The following OVOL1 variants were observed in gnomAD, a reference collection of about 807,000 sequenced individuals.
OVOL1 encodes the protein ovo like transcriptional repressor 1.
Under a neutral mutation model 21.5 loss-of-function variants are expected in OVOL1, and 10 were observed. The observed-to-expected ratio is 0.46, with a 90% CI of 0.29 to 0.79. The LOEUF is 0.79. OVOL1 is among the 30% of genes least tolerant of loss of function. OVOL1 has a pLI of 0.10. For missense variants in OVOL1, 279 were observed against 362.3 expected (o/e 0.77, Z 1.87); for synonymous variants, 129 against 150.3 (o/e 0.86, Z 1.03).
rs148404819 is a variant in OVOL1 at position 65,788,964 on chromosome 11, C to T, written c.100+1491C>T. 237 of 985,788 alleles carry T rather than the reference C, an allele frequency of 2.4e-4. 1 individual carries two copies. The African/African-American group carries it at 3.2e-3, about 13-fold the overall frequency. 61.1% of individuals were successfully genotyped at this position (985,788 alleles called of 1,614,324 possible). A position where few individuals can be genotyped will look rare whatever the true frequency, so the allele number is the denominator to read the frequency against. ...GCAGAGGGCCAGAGCCCCCTCCCCGCTCCGCCCTCCGCCCTCCACCCTCAC... is the reference window on the plus strand; with the variant it reads ...GCAGAGGGCCAGAGCCCCCTCCCCGTTCCGCCCTCCGCCCTCCACCCTCAC... On this transcript the variant is annotated intron_variant, in intron 1 of 3. Coordinates refer to ENST00000335987, the MANE Select transcript of OVOL1 (RefSeq NM_004561.4).
At chr11:65,792,065 C>G (rs1858031609) in intron 1 of OVOL1, among the ~76,000 whole-genome samples, 2 of 152,224 alleles carry the variant, frequency 1.3e-5, no homozygotes, top group Admixed American at 6.5e-5. Flanking sequence ...CTGCCCCTCG[C>G]TCAGGGTGGA....
At chr11:65,794,470 C>A in intron 2 of OVOL1, 68 bp from the exon 3 acceptor site, 2 of 1,481,372 alleles carry the variant, frequency 1.4e-6, no homozygotes, top group Non-Finnish European at 1.9e-6. Context: ...GCATCCACGT[C>A]TTCCCAATCT....
Position 65,787,189 on chromosome 11 carries a change from A to C in OVOL1, c.-185A>C. The C allele has an allele frequency of 6.3e-6, 3 of 475,670 alleles. No individual in the cohort carries two copies. Among genetic ancestry groups the C allele is most frequent in the Non-Finnish European group, 7.9e-6 (2 of 253,798 alleles). The allele number at this position is 475,670 out of a possible 1,614,324, so 29.5% of individuals were successfully genotyped here. On this transcript the variant is annotated 5_prime_UTR_variant, in exon 1 of 4. Transcript: ENST00000335987. ...CCTCGTTCTCAGGGAAGACGGCGAC[A>C]TTCCGCGGAGGTGGAACCGCCGCGC...
At chr11:65,788,519 C>A in intron 1 of OVOL1, 1 of 985,346 alleles carries the variant, frequency 1.0e-6, no homozygotes, top group Non-Finnish European at 1.2e-6. Context: ...GACCCTTGAT[C>A]TGCAGACTCC....
At chr11:65,790,914 T>G (rs1267982535) in intron 1 of OVOL1, 1 of 152,498 alleles carries the variant, frequency 6.6e-6, no homozygotes, top group Admixed American at 6.5e-5. Context: ...AAGCTGGCCA[T>G]GGGTGAAGTC....
At chr11:65,790,676 C>T (rs533015285) in intron 1 of OVOL1, 9 of 152,462 alleles carry the variant, frequency 5.9e-5, no homozygotes, top group Admixed American at 2.6e-4. Context: ...TGCCAGGGAG[C>T]GGGGCTGGGA....
Position 65,795,740 on chromosome 11 carries a change from A to G in OVOL1, c.*399A>G. The stretch of plus-strand genomic sequence containing the variant: ...CCTCTCAGCACAGGGCAGGGGCTGC[A>G]GGTCCCCAGTGGACATCAGAGTCAA... On this transcript the variant is annotated 3_prime_UTR_variant, in exon 4 of 4. Transcript: ENST00000335987. The surrounding 1 kb of genome is among the most constrained non-coding windows in gnomAD (Gnocchi z 5.7). The G allele has an allele frequency of 4.0e-6, 1 of 250,250 alleles. No individual in the cohort carries two copies. Among genetic ancestry groups the G allele is most frequent in the Non-Finnish European group, 7.8e-6 (1 of 127,506 alleles). 15.5% of individuals were successfully genotyped at this position (250,250 alleles called of 1,614,324 possible).
intron 1 of OVOL1, 45 bp from the exon 2 acceptor site, chr11:65,793,986 C>G (rs541395371): frequency 1.3e-6 from 2 of 1,519,696 alleles, no homozygotes; most frequent in South Asian, 2.2e-5. Flanking sequence ...CCCGCTGGAC[C>G]CTCTCTTCTC....
At chr11:65,788,604 T>C (rs1857950199) in intron 1 of OVOL1, 2 of 985,322 alleles carry the variant, frequency 2.0e-6, no homozygotes, top group Middle Eastern at 5.2e-4. Flanking sequence ...GGGCTCTTGC[T>C]CAGTTTCCCT....
intron 3 of OVOL1, 32 bp downstream of exon 3, chr11:65,794,759 G>C (rs530760139): frequency 1.3e-6 from 2 of 1,597,418 alleles, no homozygotes; most frequent in Non-Finnish European, 1.7e-6. Context: ...GGAGGAGCAC[G>C]CCGGATCCGC....
rs989995884 is a variant in OVOL1, at chr11:65,794,066, G to A, written c.136G>A (p.Glu46Lys). 23 of 1,613,956 alleles carry A rather than the reference G, an allele frequency of 1.4e-5. No individual in the cohort carries two copies. In the Admixed American group the frequency reaches 1.7e-4, roughly 12 times the overall value. The stretch of plus-strand genomic sequence containing the variant: ...CTTCTGCCCACCACAGCCCTACCGG[G>A]AGCCGGAACCCTCTGTGGCCGAACC... ...LGFCPPQPYR[E>K]PEPSVAEPPS... Residue 46 changes from glutamate (E) to lysine (K), a missense_variant, in exon 2 of 4, where the codon GAG (glutamate) becomes AAG (lysine). Transcript: ENST00000335987.
chr11:65,794,363 A>C (rs1858085312), intron 2 of OVOL1, 115 bp downstream of exon 2: 3 of 1,168,276 alleles, frequency 2.6e-6, no homozygotes, highest in African/African-American at 1.5e-5. Flanking sequence ...GACCTGGGCC[A>C]AGGTTTCTGC....
At position 65,794,202 on chromosome 11, in the gene OVOL1, C is replaced by A; in HGVS notation, c.272C>A (p.Thr91Lys). 3 of 1,613,494 alleles carry A rather than the reference C, an allele frequency of 1.9e-6. No homozygotes were observed. Among genetic ancestry groups the A allele is most frequent in the Non-Finnish European group, 1.7e-6 (2 of 1,180,028 alleles). ...QLPSEDMGHLTDPQSRDHGFL... is the reference protein window; with the variant it reads ...QLPSEDMGHLKDPQSRDHGFL... ...CCCTCTGAAGACATGGGCCACTTGA[C>A]AGACCCCCAGAGCAGAGACCATGGC... Residue 91 changes from threonine (T) to lysine (K), a missense_variant, in exon 2 of 4, where the codon ACA (threonine) becomes AAA (lysine). By Grantham distance (78) the Thr-to-Lys change is moderately conservative. Coordinates refer to ENST00000335987, the MANE Select transcript of OVOL1 (RefSeq NM_004561.4).
rs1235177141 is a variant in OVOL1 at position 65,796,097 on chromosome 11, G to T, written c.*756G>T. 1.3e-5 allele frequency: 2 copies of T among 152,642 alleles called. No individual in the cohort carries two copies. Among genetic ancestry groups the T allele is most frequent in the African/African-American group, 4.8e-5 (2 of 41,414 alleles). 9.5% of individuals were successfully genotyped at this position (152,642 alleles called of 1,614,324 possible). On this transcript the variant is annotated 3_prime_UTR_variant, in exon 4 of 4. Coordinates refer to ENST00000335987, the MANE Select transcript of OVOL1 (RefSeq NM_004561.4). The stretch of plus-strand genomic sequence containing the variant: ...TTGGTGCCAATGGCGATGTTTTTAA[G>T]AGTGGGATGGAGCTGGCTTTTCTCC...
chr11:65,794,863 C>T (rs1450523977), intron 3 of OVOL1, 136 bp downstream of exon 3: 1 of 1,015,674 alleles, frequency 9.8e-7, no homozygotes, highest in East Asian at 2.5e-5. Context: ...GGGCCAAAGT[C>T]CTCCTGAGCT....
chr11:65,794,786 G>A (rs2276133), intron 3 of OVOL1, 59 bp downstream of exon 3: 413,183 of 1,549,938 alleles, frequency 0.27, 58,378 homozygotes, highest in Admixed American at 0.48. Flanking sequence ...GCGGCCGTGC[G>A]GGAAAAGTCC....
intron 2 of OVOL1, 86 bp from the exon 3 acceptor site, chr11:65,794,451 TG>T: frequency 3.0e-6 from 4 of 1,342,702 alleles, no homozygotes; most frequent in Non-Finnish European, 4.2e-6. Flanking sequence ...TCAGGGACAC[TG>T]GGGGCTGGCA....
At chr11:65,789,052 A>T (rs1392553458) in intron 1 of OVOL1, 5 of 985,562 alleles carry the variant, frequency 5.1e-6, no homozygotes, top group East Asian at 1.1e-4. Context: ...GGACCGTGGT[A>T]AAGGTGAGCT....
At position 65,794,622 on chromosome 11, in the gene OVOL1, C is replaced by T. The variant is rs757434056; in HGVS notation, c.403C>T (p.Arg135Cys). The T allele has an allele frequency of 6.8e-6, 11 of 1,613,684 alleles. No individual in the cohort carries two copies. Among genetic ancestry groups the T allele is most frequent in the South Asian group, 4.4e-5 (4 of 91,088 alleles). Residue 135 changes from arginine to cysteine, a missense_variant, in exon 3 of 4, where the codon CGC becomes TGC. Coordinates refer to ENST00000335987, the MANE Select transcript of OVOL1 (RefSeq NM_004561.4). ...CTTCACCTACCAGCGCATGCTGAAC[C>T]GCCACATGAAGTGTCACAACGACGT... ...KAFTYQRMLN[R>C]HMKCHNDVKR...
Sources: gnomAD v4.1 joint callset for allele counts (sites outside exome capture counted in the v4.1 genomes callset) on GRCh38, gnomAD v4.1.1 for gene constraint, Gnocchi (gnomAD v3.1) non-coding constraint, MANE v1.5 for transcripts, NCBI Gene and HGNC (gene_info 2026-07-23, HGNC 2026-07-21) for gene names.